APOL2: variants seen among roughly 807,000 people sequenced by gnomAD.
APOL2 encodes the protein apolipoprotein L2, also known as apolipoprotein L, 2.
APOL2 carries 8 observed loss-of-function variants against 7.1 expected under a neutral mutation model. The observed-to-expected ratio is 1.12, with a 90% CI of 0.66 to 2.03. The LOEUF is 2.03. Ranked by LOEUF, APOL2 falls within the 30% of genes most tolerant of loss-of-function variation. APOL2 has a pLI of 0.00. For synonymous variants in APOL2, 177 were observed against 159.9 expected, an observed-to-expected ratio of 1.11 and a Z score of -0.81; for missense variants, 471 against 415.1, an observed-to-expected ratio of 1.13 and a Z score of -1.17.
At chr22:36,239,838 C>A, upstream of APOL2, 1 of 330,810 alleles carries the variant, frequency 3.0e-6, no homozygotes, top group South Asian at 4.1e-5. Context: ...ATCTGAGCCG[C>A]TTGCCCCCCA....
chr22:36,239,906 C>T (rs1458216273), upstream of APOL2: 3 of 216,994 alleles, frequency 1.4e-5, no homozygotes, highest in Middle Eastern at 1.5e-3. Context: ...AGAAGTCAGA[C>T]TCAAGCCTCA....
At chr22:36,237,105 T>C (rs760828358) in intron 1 of APOL2, 3 of 1,535,184 alleles carry the variant, frequency 2.0e-6, no homozygotes, top group East Asian at 5.1e-5. Context: ...CCCATCCTCC[T>C]GGGTCATTGT....
chr22:36,239,382 C>G (rs913490318), intron 1 of APOL2, 59 bp downstream of exon 1: 2 of 1,477,740 alleles, frequency 1.4e-6, no homozygotes, highest in South Asian at 1.2e-5. Context: ...TGATCCTTCC[C>G]TTATAGAGCT....
rs139413110 is a variant in APOL2 at position 36,236,835 on chromosome 22, G to A, written c.-134+2606C>T. On this transcript the variant is annotated intron_variant, in intron 1 of 4. Coordinates refer to ENST00000358502, the MANE Select transcript of APOL2 (RefSeq NM_030882.4). ...AGACTAAAAGGGGGACCCAGTCCTG[G>A]GCAGCAGTTCACCAGGGGAGTATGC... is the stretch of plus-strand genomic sequence containing the variant. The A allele has an allele frequency of 7.6e-6, 9 of 1,190,988 alleles. No homozygotes were observed. The East Asian group carries it at 2.6e-4, about 34-fold the overall frequency. The allele number at this position is 1,190,988 out of a possible 1,614,324, so 73.8% of individuals were successfully genotyped here. A position where few individuals can be genotyped will look rare whatever the true frequency, so the allele number is the denominator to read the frequency against.
At chr22:36,228,884 C>T (rs1214916402) in intron 4 of APOL2, among the ~76,000 whole-genome samples, 1 of 152,086 alleles carries the variant, frequency 6.6e-6, no homozygotes, top group Non-Finnish European at 1.5e-5. Flanking sequence ...GGTGTGAGAT[C>T]TCAGGGAAGG....
intron 3 of APOL2, 60 bp from the exon 4 acceptor site, chr22:36,231,526 T>C: frequency 2.5e-6 from 4 of 1,579,278 alleles, no homozygotes; most frequent in Non-Finnish European, 3.5e-6. Flanking sequence ...TAACAGCCAT[T>C]GCACATTAGG....
intron 4 of APOL2, among the ~76,000 whole-genome samples, chr22:36,228,855 A>G (rs2015117446): frequency 6.6e-6 from 1 of 152,196 alleles, no homozygotes; most frequent in Non-Finnish European, 1.5e-5. Context: ...CCTGACTTCC[A>G]GAGGACTTGG....
At position 36,226,249 on chromosome 22, in the gene APOL2, A is replaced by G. The variant is rs2014980226; in HGVS notation, c.*1155T>C. 1 of 152,282 alleles carries G rather than the reference A, an allele frequency of 6.6e-6. No individual in the cohort carries two copies. The highest frequency in any genetic ancestry group is 2.4e-5 in the African/African-American group (1 of 41,452). The allele number at this position is 152,282 out of a possible 1,614,324, so 9.4% of individuals were successfully genotyped here. On this transcript the variant is annotated 3_prime_UTR_variant, in exon 5 of 5. Transcript: ENST00000358502. Reference sequence around the variant, plus strand: ...GTTTATTGGGACTTACACACAGGTCAATCCTGGGCAGCGACAGGACAGCTC... The same window carrying G: ...GTTTATTGGGACTTACACACAGGTCGATCCTGGGCAGCGACAGGACAGCTC...
rs201222628 is a variant in APOL2 at position 36,228,077 on chromosome 22, G to A, written c.341C>T (p.Thr114Ile). Residue 114 changes from threonine (T) to isoleucine (I), a missense_variant, in exon 5 of 5, where the codon ACC becomes ATC. By Grantham distance (89) the Thr-to-Ile change is moderately conservative (BLOSUM62 -1). Transcript: ENST00000358502. ...AGAGTTGGACACCACATTGGCAATG[G>A]TGGTGCCTCTGTGGACCTGCTCAAC... The part of the protein sequence containing the change: ...EEVEQVHRGT[T>I]IANVVSNSVG... 127 of 1,614,250 alleles carry A rather than the reference G, an allele frequency of 7.9e-5. No individual in the cohort carries two copies. In the African/African-American group the frequency reaches 1.4e-3, roughly 18 times the overall value.
chr22:36,233,336 G>A, intron 2 of APOL2, 66 bp downstream of exon 2: 2 of 1,583,176 alleles, frequency 1.3e-6, no homozygotes. Context: ...TCCCTCTGTG[G>A]TAGCAGCAAA....
chr22:36,235,919 C>T (rs1489990320), intron 1 of APOL2, among the ~76,000 whole-genome samples: 1 of 151,742 alleles, frequency 6.6e-6, no homozygotes, highest in Non-Finnish European at 1.5e-5. Context: ...AGTAGGCCTA[C>T]AAAACGACCA....
rs1440906252 is a variant in APOL2, at chr22:36,228,295, G to A, written c.138-15C>T. 1 of 1,601,152 alleles carries A rather than the reference G, an allele frequency of 6.2e-7. No homozygotes were observed. Among genetic ancestry groups the A allele is most frequent in the Non-Finnish European group, 8.5e-7 (1 of 1,174,098 alleles). ...CTGCCTCATCCCTGCACAAGGAAAG[G>A]TTAAAGGATTAAGAAATGCAGTTTC... On this transcript the variant is annotated splice_polypyrimidine_tract_variant and intron_variant, in intron 4 of 4. Coordinates refer to ENST00000358502, the MANE Select transcript of APOL2 (RefSeq NM_030882.4).
At position 36,237,500 on chromosome 22, in the gene APOL2, C is replaced by G. The variant is rs1025526321; in HGVS notation, c.-134+1941G>C. ...CACAGCTTGCTGTAGCCTAGAGCCC[C>G]TGGGCTCAAGTGATCCTTCTGCCTC... On this transcript the variant is annotated intron_variant, in intron 1 of 4. Transcript: ENST00000358502. 3.2e-5 allele frequency: 19 copies of G among 595,380 alleles called. No individual in the cohort carries two copies. In the African/African-American group the frequency reaches 3.3e-4, roughly 10 times the overall value. The allele number at this position is 595,380 out of a possible 1,614,324, so 36.9% of individuals were successfully genotyped here. A position where few individuals can be genotyped will look rare whatever the true frequency, so the allele number is the denominator to read the frequency against.
At chr22:36,236,414 T>C (rs775318898) in intron 1 of APOL2, among the ~76,000 whole-genome samples, 14 of 152,146 alleles carry the variant, frequency 9.2e-5, no homozygotes, top group Non-Finnish European at 1.8e-4. Flanking sequence ...AGCTACAAAG[T>C]TGCTAATGGA....
At chr22:36,235,469 T>C (rs911417836) in intron 1 of APOL2, among the ~76,000 whole-genome samples, 1 of 152,090 alleles carries the variant, frequency 6.6e-6, no homozygotes, top group Non-Finnish European at 1.5e-5. Flanking sequence ...GATTAAAAAA[T>C]ATTTTATTCA....
upstream of APOL2, chr22:36,239,755 A>G: frequency 5.8e-6 from 3 of 515,618 alleles, no homozygotes; most frequent in Non-Finnish European, 1.0e-5. Flanking sequence ...TCAGGATTCA[A>G]GGTCTGCTGT....
chr22:36,237,790 A>C (rs916264), intron 1 of APOL2, among the ~76,000 whole-genome samples: 117,190 of 152,016 alleles, frequency 0.77, 47,002 homozygotes, highest in African/African-American at 0.94. Flanking sequence ...GATGCTCTGG[A>C]CCCCACCTTC....
At chr22:36,231,258 T>G in intron 4 of APOL2, 82 bp downstream of exon 4, 1 of 1,549,784 alleles carries the variant, frequency 6.5e-7, no homozygotes. Context: ...GGAGGAGGTG[T>G]GCCTGTCAGG....
intron 1 of APOL2, among the ~76,000 whole-genome samples, chr22:36,234,761 A>G (rs1483051223): frequency 2.0e-5 from 3 of 152,190 alleles, no homozygotes; most frequent in Non-Finnish European, 4.4e-5. Flanking sequence ...AAGATGTTAT[A>G]AATAGTAACT....
Sources: gnomAD v4.1 joint callset for allele counts (sites outside exome capture counted in the v4.1 genomes callset) on GRCh38, gnomAD v4.1.1 for gene constraint, MANE v1.5 for transcripts, NCBI Gene and HGNC (gene_info 2026-07-23, HGNC 2026-07-21) for gene names.